UNC5D: variants seen among roughly 807,000 people sequenced by gnomAD.
UNC5D encodes unc-5 netrin receptor D, also known as netrin receptor UNC5D.
Under a neutral mutation model 105.4 loss-of-function variants are expected in UNC5D, and 39 were observed. That is an observed-to-expected ratio of 0.37 (90% CI 0.29 to 0.48). UNC5D has a LOEUF of 0.48. Ranked by LOEUF, UNC5D falls within the 20% of genes least tolerant of loss-of-function variation. UNC5D has a pLI of 0.98. For missense variants in UNC5D, 991 were observed against 1,202.4 expected (o/e 0.82, Z 2.60); for synonymous variants, 452 against 450.4 (o/e 1.00, Z -0.04).
chr8:35,241,718 G>A (rs187235604), intron 1 of UNC5D, among the ~76,000 whole-genome samples: 1 of 150,658 alleles, frequency 6.6e-6, no homozygotes, highest in African/African-American at 2.4e-5. Flanking sequence ...CATAGTACAT[G>A]TACATAGTTT....
At position 35,705,206 on chromosome 8, in the gene UNC5D, C is replaced by T. The variant is rs556429117; in HGVS notation, c.1085-723C>T. Among the ~76,000 whole-genome samples, 5 of 152,234 alleles carry T rather than the reference C, an allele frequency of 3.3e-5. No homozygotes were observed. In the East Asian group the frequency reaches 7.8e-4, roughly 24 times the overall value. On this transcript the variant is annotated intron_variant, in intron 7 of 16. Coordinates refer to ENST00000404895, the MANE Select transcript of UNC5D (RefSeq NM_080872.4). Reference sequence around the variant, plus strand: ...GTCTCGATCTCCTGACCTCGTGATCCGCCCGCCTTGGCCTCCCAAAGTGCT... The same window carrying T: ...GTCTCGATCTCCTGACCTCGTGATCTGCCCGCCTTGGCCTCCCAAAGTGCT...
intron 1 of UNC5D, among the ~76,000 whole-genome samples, chr8:35,420,266 A>G (rs1051999005): frequency 5.5e-4 from 84 of 152,182 alleles, no homozygotes; most frequent in African/African-American, 1.9e-3. Flanking sequence ...ATTAATATAC[A>G]TACAATTTAA....
At chr8:35,724,187 A>G in intron 9 of UNC5D, 1 of 1,486,072 alleles carries the variant, frequency 6.7e-7, no homozygotes, top group Admixed American at 2.2e-5. Context: ...TGTATTGTAA[A>G]TCTCTAAGAC....
At chr8:35,785,177 CCAAATGCACCAG>C (rs1802688605) in intron 16 of UNC5D, among the ~76,000 whole-genome samples, 1 of 151,910 alleles carries the variant, frequency 6.6e-6, no homozygotes, top group African/African-American at 2.4e-5. Flanking sequence ...CTGCCGGTGC[CCAAATGCACCAG>C]CATTATGATG....
intron 1 of UNC5D, among the ~76,000 whole-genome samples, chr8:35,435,534 A>C (rs1051624599): frequency 1.3e-5 from 2 of 152,142 alleles, no homozygotes; most frequent in African/African-American, 4.8e-5. Flanking sequence ...ATGTGTGATA[A>C]CAATAATCCA....
At chr8:35,387,126 C>T (rs1243254195) in intron 1 of UNC5D, among the ~76,000 whole-genome samples, 1 of 151,656 alleles carries the variant, frequency 6.6e-6, no homozygotes, top group Non-Finnish European at 1.5e-5. Flanking sequence ...TTTGGGAGGC[C>T]GAGGGGGGCA....
At chr8:35,412,262 T>C (rs1325232092) in intron 1 of UNC5D, among the ~76,000 whole-genome samples, 1 of 152,082 alleles carries the variant, frequency 6.6e-6, no homozygotes, top group East Asian at 1.9e-4. Flanking sequence ...TATACTTAAA[T>C]TGTCCTCACT....
At chr8:35,337,464 G>T (rs989853109) in intron 1 of UNC5D, among the ~76,000 whole-genome samples, 1 of 152,090 alleles carries the variant, frequency 6.6e-6, no homozygotes, top group Non-Finnish European at 1.5e-5. Flanking sequence ...TTTTACTTAC[G>T]CATTGATGCT....
intron 1 of UNC5D, among the ~76,000 whole-genome samples, chr8:35,446,943 C>G (rs899899941): frequency 1.3e-5 from 2 of 152,112 alleles, no homozygotes; most frequent in Non-Finnish European, 2.9e-5. Context: ...CTCATCTTCA[C>G]AGGGATATCC....
intron 1 of UNC5D, among the ~76,000 whole-genome samples, chr8:35,247,122 A>G (rs914666305): frequency 2.6e-5 from 4 of 152,098 alleles, no homozygotes; most frequent in African/African-American, 7.2e-5. Context: ...TTTCAGGCTT[A>G]TAATAACAAA....
At chr8:35,756,254 C>T (rs1035509963) in intron 13 of UNC5D, among the ~76,000 whole-genome samples, 5 of 151,876 alleles carry the variant, frequency 3.3e-5, no homozygotes, top group Admixed American at 2.0e-4. Context: ...GCTCAATATG[C>T]GCAGATTTAA....
chr8:35,327,348 A>C (rs759504019), intron 1 of UNC5D, among the ~76,000 whole-genome samples: 1 of 152,238 alleles, frequency 6.6e-6, no homozygotes, highest in Non-Finnish European at 1.5e-5. Context: ...CATTTTCTGC[A>C]TGCCTGCTTC....
At chr8:35,695,008 G>T (rs772974607) in intron 7 of UNC5D, among the ~76,000 whole-genome samples, 4 of 152,184 alleles carry the variant, frequency 2.6e-5, no homozygotes, top group Non-Finnish European at 4.4e-5. Flanking sequence ...ATCTGGTTAA[G>T]ATAGTGTCTA....
At chr8:35,571,831 T>A (rs1230415344) in intron 3 of UNC5D, among the ~76,000 whole-genome samples, 1 of 152,218 alleles carries the variant, frequency 6.6e-6, no homozygotes, top group Non-Finnish European at 1.5e-5. Context: ...ATGAGGATTT[T>A]GATAGATGAA....
chr8:35,668,739 T>G (rs1824588376), intron 4 of UNC5D, among the ~76,000 whole-genome samples: 1 of 152,100 alleles, frequency 6.6e-6, no homozygotes, highest in Admixed American at 6.6e-5. Flanking sequence ...TTATAATTAT[T>G]TGCATTAAAA....
At chr8:35,477,464 T>C (rs974740672) in intron 1 of UNC5D, among the ~76,000 whole-genome samples, 4 of 152,102 alleles carry the variant, frequency 2.6e-5, no homozygotes, top group Non-Finnish European at 5.9e-5. Flanking sequence ...TTTCACAGAA[T>C]GATTTTTATG....
intron 1 of UNC5D, among the ~76,000 whole-genome samples, chr8:35,399,331 G>A (rs1350587179): frequency 6.6e-6 from 1 of 151,928 alleles, no homozygotes; most frequent in Non-Finnish European, 1.5e-5. Flanking sequence ...TGGTAATCCA[G>A]ACATTGCTAT....
At chr8:35,629,349 A>G (rs1307384207) in intron 4 of UNC5D, among the ~76,000 whole-genome samples, 1 of 152,006 alleles carries the variant, frequency 6.6e-6, no homozygotes, top group Non-Finnish European at 1.5e-5. Context: ...TCTTCTTTTG[A>G]GAAATGTCTG....
rs187276186 is a variant in UNC5D at position 35,601,602 on chromosome 8, T to C, written c.570+5945T>C. ...CACTCATGATTTGGCTCTCTGTTTG[T>C]CTGTTATTGGTGTATAAGAATGCTT... On this transcript the variant is annotated intron_variant, in intron 4 of 16. Transcript: ENST00000404895. Among the ~76,000 whole-genome samples, 13 of 152,298 alleles carry C rather than the reference T, an allele frequency of 8.5e-5. No homozygotes were observed. In the East Asian group the frequency reaches 2.5e-3, roughly 29 times the overall value.
Sources: gnomAD v4.1 joint callset for allele counts (sites outside exome capture counted in the v4.1 genomes callset) on GRCh38, gnomAD v4.1.1 for gene constraint, MANE v1.5 for transcripts, NCBI Gene and HGNC (gene_info 2026-07-23, HGNC 2026-07-21) for gene names.